Variants in NMRAL1 observed in about 807,000 individuals in gnomAD.
NMRAL1 encodes NmrA like redox sensor 1.
Under a neutral mutation model 27.5 loss-of-function variants are expected in NMRAL1, and 32 were observed. The ratio of observed to expected loss-of-function variants is 1.16; its 90% CI spans 0.88 to 1.56. The LOEUF is 1.56. NMRAL1 is among the 40% of genes most tolerant of loss of function. The pLI is 0.00. For missense variants in NMRAL1, 420 were observed against 392.0 expected, an observed-to-expected ratio of 1.07 and a Z score of -0.60; for synonymous variants, 166 against 166.8, an observed-to-expected ratio of 1.00 and a Z score of 0.04.
intron 2 of NMRAL1, among the ~76,000 whole-genome samples, chr16:4,470,064 A>G (rs945124049): frequency 1.7e-4 from 25 of 149,954 alleles, no homozygotes; most frequent in Non-Finnish European, 2.8e-4. Context: ...CAGGAGGCTA[A>G]GGCAGGAGAA....
intron 2 of NMRAL1, among the ~76,000 whole-genome samples, chr16:4,470,895 C>T (rs577672067): frequency 4.0e-5 from 6 of 150,642 alleles, no homozygotes; most frequent in East Asian, 3.9e-4. Context: ...TGCAGTGAGC[C>T]GAGATCGCGC....
At position 4,466,299 on chromosome 16, in the gene NMRAL1, G is replaced by C. The variant is rs764619180; in HGVS notation, c.383C>G (p.Ala128Gly). Residue 128 changes from alanine to glycine, a missense_variant, in exon 4 of 6, where the codon GCG becomes GGG. Ala to Gly is a moderately conservative substitution (Grantham distance 60). Transcript: ENST00000283429. ...KKLTAGRLAA[A>G]HFDGKGEVEE... ...CACCTCCCCTTTGCCGTCAAAGTGC[G>C]CGGCGGCCAATCTCCCTGCCGTCAG... The C allele has an allele frequency of 2.5e-6, 4 of 1,614,006 alleles. No individual in the cohort carries two copies. In the South Asian group the frequency reaches 3.3e-5, roughly 13 times the overall value.
At chr16:4,470,161 C>G (rs1261210244) in intron 2 of NMRAL1, among the ~76,000 whole-genome samples, 1 of 51,474 alleles carries the variant, frequency 1.9e-5, no homozygotes, top group Admixed American at 2.1e-4. Flanking sequence ...GATTCCCTCT[C>G]AAAAAAAAAA....
At chr16:4,475,985 C>A (rs1297546920), upstream of NMRAL1, 2 of 152,168 alleles carry the variant, frequency 1.3e-5, no homozygotes, top group Non-Finnish European at 2.9e-5. Context: ...TTGAAGAATG[C>A]GAATAATGCA....
At chr16:4,468,946 T>TA (rs1567355913) in intron 3 of NMRAL1, among the ~76,000 whole-genome samples, 32 of 139,404 alleles carry the variant, frequency 2.3e-4, no homozygotes, top group Admixed American at 2.0e-3. Flanking sequence ...AAATTACTTT[T>TA]TAAAAAAAAC....
chr16:4,473,619 C>T (rs1235267804), intron 2 of NMRAL1, among the ~76,000 whole-genome samples: 1 of 151,942 alleles, frequency 6.6e-6, no homozygotes, highest in Admixed American at 6.6e-5. Flanking sequence ...AGTTAAGTAA[C>T]TCATTTTTTT....
rs752472708 is a variant in NMRAL1, at chr16:4,461,926, G to C, written c.754C>G (p.Pro252Ala). 4 of 1,613,976 alleles carry C rather than the reference G, an allele frequency of 2.5e-6. No individual in the cohort carries two copies. Among genetic ancestry groups the C allele is most frequent in the Middle Eastern group, 1.6e-4 (1 of 6,082 alleles). ...TPEDYEKLGFPGARDLANMFR... is the reference protein window; with the variant it reads ...TPEDYEKLGFAGARDLANMFR... ...ATGTTGGCCAGGTCCCGGGCACCGG[G>C]AAAGCCAAGCTTTTCGTAGTCCTCA... Residue 252 changes from proline (P) to alanine (A), a missense_variant, in exon 6 of 6, where the codon CCC becomes GCC. Physicochemically the swap from Pro to Ala is conservative, Grantham distance 27. Coordinates refer to ENST00000283429, the MANE Select transcript of NMRAL1 (RefSeq NM_020677.6).
intron 4 of NMRAL1, among the ~76,000 whole-genome samples, chr16:4,464,953 G>T (rs550221670): frequency 2.0e-5 from 3 of 148,636 alleles, no homozygotes; most frequent in African/African-American, 7.5e-5. Context: ...TGTCACCCAG[G>T]CTGGAGTGCA....
At chr16:4,462,393 G>A (rs1325328454) in intron 5 of NMRAL1, among the ~76,000 whole-genome samples, 2 of 152,092 alleles carry the variant, frequency 1.3e-5, no homozygotes, top group African/African-American at 4.8e-5. Context: ...CAGGAGAATC[G>A]CTTGAAACCA....
chr16:4,472,806 C>T (rs2057626619), intron 2 of NMRAL1, among the ~76,000 whole-genome samples: 2 of 149,066 alleles, frequency 1.3e-5, no homozygotes, highest in Non-Finnish European at 3.0e-5. Context: ...ACCTTGAAAA[C>T]ATGCTAACTG....
intron 2 of NMRAL1, among the ~76,000 whole-genome samples, chr16:4,471,864 C>A (rs776108699): frequency 6.6e-6 from 1 of 151,824 alleles, no homozygotes; most frequent in African/African-American, 2.4e-5. Context: ...TGCTTGAGGC[C>A]AGGAGTTTGA....
intron 2 of NMRAL1, among the ~76,000 whole-genome samples, chr16:4,470,605 A>T (rs951757984): frequency 5.3e-5 from 8 of 152,032 alleles, no homozygotes; most frequent in African/African-American, 1.9e-4. Flanking sequence ...CGAGGTCAGG[A>T]GCTCAAGACC....
intron 3 of NMRAL1, among the ~76,000 whole-genome samples, chr16:4,467,364 G>A (rs376156700): frequency 2.0e-5 from 3 of 151,924 alleles, no homozygotes; most frequent in East Asian, 1.9e-4. Flanking sequence ...CTCCTGAGTC[G>A]CTGGGACTAC....
chr16:4,470,722 C>T (rs1432054254), intron 2 of NMRAL1, among the ~76,000 whole-genome samples: 2 of 151,608 alleles, frequency 1.3e-5, no homozygotes, highest in Admixed American at 6.6e-5. Flanking sequence ...CCGAGGCGGG[C>T]GGATCATGAG....
At chr16:4,466,891 A>G (rs923775829) in intron 3 of NMRAL1, 1 of 165,540 alleles carries the variant, frequency 6.0e-6, no homozygotes, top group Non-Finnish European at 1.3e-5. Flanking sequence ...TGCAGATGAC[A>G]ACACTACCTA....
At chr16:4,470,902 G>C (rs974329584) in intron 2 of NMRAL1, among the ~76,000 whole-genome samples, 2 of 150,976 alleles carry the variant, frequency 1.3e-5, no homozygotes, top group Non-Finnish European at 3.0e-5. Flanking sequence ...AGCCGAGATC[G>C]CGCCACTGCA....
At chr16:4,464,311 A>G (rs1255151336) in intron 4 of NMRAL1, 1 of 166,492 alleles carries the variant, frequency 6.0e-6, no homozygotes, top group East Asian at 1.8e-4. Flanking sequence ...CTGAGTAGAT[A>G]CTCCAAATAC....
chr16:4,466,504 G>A, intron 3 of NMRAL1, 102 bp from the exon 4 acceptor site: 1 of 1,213,026 alleles, frequency 8.2e-7, no homozygotes, highest in Admixed American at 1.9e-5. Context: ...CATCTGCGAG[G>A]TTAACATCTA....
rs778576437 is a variant in NMRAL1 at position 4,469,285 on chromosome 16, G to A, written c.221C>T (p.Ala74Val). The A allele has an allele frequency of 1.9e-6, 3 of 1,614,138 alleles. No homozygotes were observed. The African/African-American group carries it at 4.0e-5, about 22-fold the overall frequency. ...CCAGTAATTGGTCACGATGAAGGTG[G>A]CGTAAGCCCCATTCAGGGCCAGCTC... Reference protein sequence around the residue: ...IMELALNGAYATFIVTNYWES... With the variant: ...IMELALNGAYVTFIVTNYWES... Residue 74 changes from alanine (A) to valine (V), a missense_variant, in exon 3 of 6, where the codon GCC (alanine) becomes GTC (valine). Physicochemically the swap from Ala to Val is moderately conservative, Grantham distance 64. Transcript: ENST00000283429.
Sources: allele counts gnomAD v4.1 joint callset (sites outside exome capture counted in the v4.1 genomes callset), GRCh38; gene constraint gnomAD v4.1.1; transcripts MANE v1.5; gene names NCBI Gene and HGNC (gene_info 2026-07-23, HGNC 2026-07-21).